Variants in SLC39A11 observed in about 807,000 individuals in gnomAD.
SLC39A11 encodes the protein zinc transporter ZIP11.
A neutral mutation model predicts 36.1 loss-of-function variants in SLC39A11; 33 were observed. The ratio of observed to expected loss-of-function variants is 0.91; its 90% CI spans 0.69 to 1.22. The LOEUF is 1.22. Ranked by LOEUF, SLC39A11 falls within the 50% of genes most tolerant of loss-of-function variation. SLC39A11 has a pLI of 0.00. For synonymous variants in SLC39A11, 166 were observed against 170.3 expected (o/e 0.97, Z 0.20); for missense variants, 432 against 430.3 (o/e 1.00, Z -0.03).
At chr17:72,989,932 T>C (rs1295308128) in intron 4 of SLC39A11, among the ~76,000 whole-genome samples, 2 of 152,238 alleles carry the variant, frequency 1.3e-5, no homozygotes, top group East Asian at 3.8e-4. Context: ...GTCTTCATTA[T>C]TTCAGTAATT....
At chr17:72,921,931 A>C (rs1421235151) in intron 5 of SLC39A11, among the ~76,000 whole-genome samples, 1 of 152,238 alleles carries the variant, frequency 6.6e-6, no homozygotes, top group Admixed American at 6.5e-5. Flanking sequence ...AGTATATGTC[A>C]AGCTCTGTTG....
At chr17:72,667,703 C>A (rs2070820213) in intron 7 of SLC39A11, among the ~76,000 whole-genome samples, 1 of 152,246 alleles carries the variant, frequency 6.6e-6, no homozygotes, top group African/African-American at 2.4e-5. Flanking sequence ...ACTGCAGAGG[C>A]ACCAGGCCAA....
At chr17:72,856,311 G>A (rs924063189) in intron 5 of SLC39A11, among the ~76,000 whole-genome samples, 1 of 152,190 alleles carries the variant, frequency 6.6e-6, no homozygotes, top group African/African-American at 2.4e-5. Context: ...CTACAAGTGA[G>A]GTGGAACATT....
chr17:73,012,092 T>C (rs1258232322), intron 4 of SLC39A11, among the ~76,000 whole-genome samples: 5 of 150,908 alleles, frequency 3.3e-5, no homozygotes, highest in Admixed American at 2.0e-4. Context: ...CTGGCCAACA[T>C]GGTGAAAACC....
intron 5 of SLC39A11, among the ~76,000 whole-genome samples, chr17:72,922,540 G>A (rs1054222916): frequency 1.2e-4 from 19 of 152,190 alleles, no homozygotes; most frequent in African/African-American, 3.6e-4. Context: ...AAGAGGCCTC[G>A]AGGAATAAAA....
chr17:72,698,602 A>C (rs2072435003), intron 7 of SLC39A11, among the ~76,000 whole-genome samples: 2 of 152,200 alleles, frequency 1.3e-5, no homozygotes, highest in Non-Finnish European at 2.9e-5. Context: ...AAAAGACAAA[A>C]AGAAAAGTAC....
chr17:72,725,852 T>C (rs2073906927), intron 7 of SLC39A11, among the ~76,000 whole-genome samples: 1 of 152,150 alleles, frequency 6.6e-6, no homozygotes, highest in African/African-American at 2.4e-5. Flanking sequence ...TAAAATAAAA[T>C]TGAGAGCACA....
chr17:72,907,130 C>T (rs2082695457), intron 5 of SLC39A11, among the ~76,000 whole-genome samples: 1 of 152,216 alleles, frequency 6.6e-6, no homozygotes, highest in Non-Finnish European at 1.5e-5. Context: ...TTTCACACAG[C>T]GAGTCCCTCC....
At chr17:73,057,704 G>A (rs1310676417) in intron 3 of SLC39A11, among the ~76,000 whole-genome samples, 2 of 152,152 alleles carry the variant, frequency 1.3e-5, no homozygotes, top group African/African-American at 2.4e-5. Context: ...TTGGGAGGCC[G>A]AGGCGGGCAG....
intron 6 of SLC39A11, among the ~76,000 whole-genome samples, chr17:72,793,406 G>A (rs2076782486): frequency 6.6e-6 from 1 of 151,966 alleles, no homozygotes; most frequent in Non-Finnish European, 1.5e-5. Context: ...TAGCTGACTT[G>A]CTGTGTTTAC....
intron 4 of SLC39A11, among the ~76,000 whole-genome samples, chr17:73,009,115 G>A (rs2090363460): frequency 6.7e-6 from 1 of 148,412 alleles, no homozygotes; most frequent in African/African-American, 2.5e-5. Flanking sequence ...TGTAATTTCA[G>A]CACTTTGGGA....
intron 5 of SLC39A11, among the ~76,000 whole-genome samples, chr17:72,940,753 T>C (rs942227621): frequency 2.0e-5 from 3 of 152,184 alleles, no homozygotes; most frequent in African/African-American, 7.2e-5. Flanking sequence ...TCCTGACACC[T>C]GGAATTCCTT....
chr17:72,855,646 C>T (rs1222702983), intron 5 of SLC39A11, among the ~76,000 whole-genome samples: 2 of 152,314 alleles, frequency 1.3e-5, no homozygotes, highest in South Asian at 2.1e-4. Context: ...CCTGTAATCA[C>T]AGCACTTTGG....
intron 6 of SLC39A11, among the ~76,000 whole-genome samples, chr17:72,817,538 G>C (rs953900063): frequency 1.3e-5 from 2 of 152,114 alleles, no homozygotes; most frequent in African/African-American, 2.4e-5. Flanking sequence ...AGATTTGGCA[G>C]AGCCAAAAAA....
chr17:72,813,106 A>G (rs1024062339), intron 6 of SLC39A11, among the ~76,000 whole-genome samples: 3 of 152,192 alleles, frequency 2.0e-5, no homozygotes, highest in Admixed American at 2.0e-4. Context: ...GCTCCCGTCT[A>G]TTATTGCAGG....
chr17:73,061,063 T>C (rs917259981), intron 3 of SLC39A11, among the ~76,000 whole-genome samples: 1 of 152,184 alleles, frequency 6.6e-6, no homozygotes, highest in Non-Finnish European at 1.5e-5. Flanking sequence ...TTAAACTGGG[T>C]AAGAATTCTC....
At chr17:72,657,089 C>T (rs1288871044) in intron 7 of SLC39A11, among the ~76,000 whole-genome samples, 8 of 152,060 alleles carry the variant, frequency 5.3e-5, no homozygotes, top group Non-Finnish European at 8.8e-5. Flanking sequence ...AGGCCAGGCA[C>T]GGTGGCTCAC....
At chr17:72,841,267 G>T (rs1243918654) in intron 6 of SLC39A11, among the ~76,000 whole-genome samples, 2 of 151,934 alleles carry the variant, frequency 1.3e-5, no homozygotes, top group East Asian at 3.9e-4. Flanking sequence ...ATCTATCAGG[G>T]GCAAATAAAC....
At chr17:72,655,185 A>G (rs977324878) in intron 7 of SLC39A11, among the ~76,000 whole-genome samples, 3 of 152,200 alleles carry the variant, frequency 2.0e-5, no homozygotes, top group African/African-American at 7.2e-5. Flanking sequence ...CCTACCTGTC[A>G]TGCACAACAC....
Sources: gnomAD v4.1 joint callset for allele counts (sites outside exome capture counted in the v4.1 genomes callset) on GRCh38, gnomAD v4.1.1 for gene constraint, MANE v1.5 for transcripts, NCBI Gene and HGNC (gene_info 2026-07-23, HGNC 2026-07-21) for gene names.